IQCN: variants seen among roughly 807,000 people sequenced by gnomAD.
IQCN encodes the protein IQ motif containing N.
Under a neutral mutation model 64.4 loss-of-function variants are expected in IQCN, and 46 were observed. That is an observed-to-expected ratio of 0.71 (90% CI 0.56 to 0.91). IQCN has a LOEUF of 0.91. Among genes scored for constraint, IQCN ranks in the 40% least tolerant of loss-of-function variants. IQCN has a pLI of 0.00. For synonymous variants in IQCN, 733 were observed against 775.6 expected, an observed-to-expected ratio of 0.95 and a Z score of 0.91; for missense variants, 1,753 against 1,857.4, an observed-to-expected ratio of 0.94 and a Z score of 1.03.
intron 2 of IQCN, 40 bp from the exon 3 acceptor site, chr19:18,267,566 C>T (rs1969631320): frequency 6.7e-7 from 1 of 1,494,602 alleles, no homozygotes; most frequent in Non-Finnish European, 8.9e-7. Flanking sequence ...GTAGCAGGTC[C>T]TGCAAACAAG....
rs200977596 is a variant in IQCN, at chr19:18,269,503, G to T, written c.-25C>A. ...TAGATTTGGAGGAGTAGCAGGAGAAGAAGGTGCAATCTCAGAAGCCAGCCT... is the reference window on the plus strand; with the variant it reads ...TAGATTTGGAGGAGTAGCAGGAGAATAAGGTGCAATCTCAGAAGCCAGCCT... On this transcript the variant is annotated 5_prime_UTR_variant, in exon 2 of 4. Coordinates refer to ENST00000392413, the MANE Select transcript of IQCN (RefSeq NM_001145304.2). 1 of 1,613,800 alleles carries T rather than the reference G, an allele frequency of 6.2e-7. No homozygotes were observed. Among genetic ancestry groups the T allele is most frequent in the Admixed American group, 1.7e-5 (1 of 60,006 alleles).
intron 1 of IQCN, among the ~76,000 whole-genome samples, chr19:18,272,910 G>A (rs1158192299): frequency 2.7e-5 from 4 of 148,688 alleles, no homozygotes; most frequent in East Asian, 4.1e-4. Context: ...GCGCCTGGCC[G>A]AGCATTGTGC....
chr19:18,266,010 C>T lies in IQCN; in HGVS notation c.1530G>A (p.Ser510=), dbSNP rs201011110. ...ACAGAGTCTTGAGGATGGTGGCCAC[C>T]GAGCGTAACTGGGCTGGGGTCTTGG... is the stretch of plus-strand genomic sequence containing the variant. ...MITKTPAQLR[S]VATILKTLCL... is the part of the protein sequence containing the mutation. The change falls in exon 3 of 4, where the codon TCG becomes TCA. Residue 510 remains serine (S), a synonymous_variant. Coordinates refer to ENST00000392413, the MANE Select transcript of IQCN (RefSeq NM_001145304.2). This position sits in a 1 kb window ranked among gnomAD's most constrained non-coding sequence, Gnocchi z 4.3. 9.3e-6 allele frequency: 15 copies of T among 1,613,872 alleles called. No individual in the cohort carries two copies. Among genetic ancestry groups the T allele is most frequent in the South Asian group, 6.6e-5 (6 of 91,076 alleles).
In IQCN at chr19:18,265,247, G is replaced by A; in HGVS notation, c.2293C>T (p.Leu765Phe). 6.2e-7 allele frequency: 1 copy of A among 1,613,532 alleles called. No individual in the cohort carries two copies. The stretch of plus-strand genomic sequence containing the variant: ...ACCTGGGAGTGGGTGTTGCTGCTGA[G>A]ATCAGCAGCCTGGTGCGCTGGGATG... ...CLIPAHQAAD[L>F]SSNTHSQVLL... The change falls in exon 3 of 4, where the codon CTC becomes TTC. Residue 765 changes from leucine to phenylalanine, a missense_variant. Transcript: ENST00000392413. The surrounding 1 kb of genome is among the most constrained non-coding windows in gnomAD (Gnocchi z 4.7).
chr19:18,274,125 A>T lies in IQCN; in HGVS notation c.-110+278T>A, dbSNP rs376673278. On this transcript the variant is annotated intron_variant, in intron 1 of 3. Coordinates refer to ENST00000392413, the MANE Select transcript of IQCN (RefSeq NM_001145304.2). ...TTTAAAAAAATAATAATAAAGAGAC[A>T]TAACAGGCTCTCCATGATGTCCCCC... Among the ~76,000 whole-genome samples the T allele has an allele frequency of 1.5e-3, 225 of 152,266 alleles. 1 individual carries two copies. The highest frequency in any genetic ancestry group is 0.014 in the Middle Eastern group (4 of 294).
intron 1 of IQCN, among the ~76,000 whole-genome samples, chr19:18,273,894 TA>T (rs1969797166): frequency 6.6e-6 from 1 of 151,886 alleles, no homozygotes; most frequent in African/African-American, 2.4e-5. Flanking sequence ...ACTGGCTCGG[TA>T]ATTTTGAGTA....
In IQCN at chr19:18,257,757, C is replaced by A. The variant is rs780183473; in HGVS notation, c.3527G>T (p.Arg1176Leu). The A allele has an allele frequency of 1.2e-6, 2 of 1,610,944 alleles. No individual in the cohort carries two copies. The highest frequency in any genetic ancestry group is 2.2e-5 in the East Asian group (1 of 44,878). The change falls in exon 4 of 4, where the codon CGC becomes CTC. Residue 1176 changes from arginine to leucine, a missense_variant. Arg to Leu is a moderately radical substitution (Grantham distance 102). Transcript: ENST00000392413. The stretch of plus-strand genomic sequence containing the variant: ...CTGCCAGTGCCGGGCTTGGTCCCGG[C>A]GGGTGCTGTAGCCGCGCCAGGCAGA... Reference protein sequence around the residue: ...IQSAWRGYSTRRDQARHWQML... With the variant: ...IQSAWRGYSTLRDQARHWQML...
intron 3 of IQCN, chr19:18,260,454 T>C (rs1011329725): frequency 1.3e-5 from 2 of 152,638 alleles, no homozygotes; most frequent in African/African-American, 4.8e-5. Flanking sequence ...GCATGGCTCA[T>C]TGAGGCCATG....
In IQCN at chr19:18,267,486, G is replaced by A. The variant is rs565405948; in HGVS notation, c.54C>T (p.Gly18=). The A allele has an allele frequency of 3.9e-5, 60 of 1,529,526 alleles. 2 individuals carry two copies. In the South Asian group the frequency reaches 6.7e-4, roughly 17 times the overall value. The allele number at this position is 1,529,526 out of a possible 1,614,324, so 94.7% of individuals were successfully genotyped here. A position where few individuals can be genotyped will look rare whatever the true frequency, so the allele number is the denominator to read the frequency against. The part of the protein sequence containing the change: ...DLSGNQGNAA[G]RLATVHEPVV... ...CTGGCTCGTGAACTGTAGCTAGGCG[G>A]CCGGCTGCATTGCCTTGATTACCGG... The change falls in exon 3 of 4, where the codon GGC becomes GGT. Residue 18 remains glycine (G), a synonymous_variant. Transcript: ENST00000392413.
At chr19:18,259,060 C>T (rs1325338391) in intron 3 of IQCN, 6 of 155,766 alleles carry the variant, frequency 3.9e-5, no homozygotes, top group Admixed American at 3.7e-4. Context: ...ATTCTCCTAG[C>T]TTGGCTTGGT....
chr19:18,266,148 G>T lies in IQCN; in HGVS notation c.1392C>A (p.Ala464=). 6.2e-7 allele frequency: 1 copy of T among 1,614,162 alleles called. No homozygotes were observed. Among genetic ancestry groups the T allele is most frequent in the African/African-American group, 1.3e-5 (1 of 75,034 alleles). ...ACAGACATGTTTGCAATGGGTTTTT[G>T]GCTGGGGTGGTGACCGGGTGCATCT... ...PPQMHPVTTP[A]KNPLQTCLSA... The change falls in exon 3 of 4, where the codon GCC becomes GCA. Residue 464 remains alanine, a synonymous_variant. Coordinates refer to ENST00000392413, the MANE Select transcript of IQCN (RefSeq NM_001145304.2). This position sits in a 1 kb window ranked among gnomAD's most constrained non-coding sequence, Gnocchi z 4.3.
In IQCN at chr19:18,264,386, G is replaced by A. The variant is rs996423198; in HGVS notation, c.3154C>T (p.Pro1052Ser). The stretch of plus-strand genomic sequence containing the variant: ...ACCTTGCTGGTCTGTGGTCTCACGG[G>A]GCCCAGGGAGGGCCCCCATGCGGCC... ...PSAAWGPSLG[P>S]VRPQTSKGPA... The change falls in exon 3 of 4, where the codon CCC (proline) becomes TCC (serine). Residue 1052 changes from proline to serine, a missense_variant. By Grantham distance (74) the Pro-to-Ser change is moderately conservative (BLOSUM62 -1). Transcript: ENST00000392413. This position sits in a 1 kb window ranked among gnomAD's most constrained non-coding sequence, Gnocchi z 4.3. The A allele has an allele frequency of 2.0e-6, 3 of 1,507,294 alleles. No homozygotes were observed. The highest frequency in any genetic ancestry group is 2.7e-6 in the Non-Finnish European group (3 of 1,125,438). 93.4% of individuals were successfully genotyped at this position (1,507,294 alleles called of 1,614,324 possible). A position where few individuals can be genotyped will look rare whatever the true frequency, so the allele number is the denominator to read the frequency against.
Position 18,257,689 on chromosome 19 carries a change from C to T in IQCN, c.3595G>A (p.Gly1199Arg), listed in dbSNP as rs151062801. 71 of 1,604,162 alleles carry T rather than the reference C, an allele frequency of 4.4e-5. No homozygotes were observed. In the African/African-American group the frequency reaches 5.2e-4, roughly 12 times the overall value. ...VTWVELGSRAGVMSDRSWFQD... is the reference protein window; with the variant it reads ...VTWVELGSRARVMSDRSWFQD... ...AACCAGCTTCGGTCAGACATGACCC[C>T]GGCCCGGCTGCCCAGCTCCACCCAC... Residue 1199 changes from glycine to arginine, a missense_variant, in exon 4 of 4, where the codon GGG (glycine) becomes AGG (arginine). Gly to Arg is a moderately radical substitution (Grantham distance 125). Transcript: ENST00000392413.
At position 18,257,915 on chromosome 19, in the gene IQCN, G is replaced by T; in HGVS notation, c.3369C>A (p.Gly1123=). 1 of 1,612,782 alleles carries T rather than the reference G, an allele frequency of 6.2e-7. No individual in the cohort carries two copies. Among genetic ancestry groups the T allele is most frequent in the Non-Finnish European group, 8.5e-7 (1 of 1,179,926 alleles). The part of the protein sequence containing the change: ...RILAVITIQA[G]VRGYLARRRI... ...TGCGACGCGCCAGGTAGCCACGGACGCCCGCCTGGATAGTGATCACTGCGA... is the reference window on the plus strand; with the variant it reads ...TGCGACGCGCCAGGTAGCCACGGACTCCCGCCTGGATAGTGATCACTGCGA... Residue 1123 remains glycine, a synonymous_variant, in exon 4 of 4, where the codon GGC becomes GGA. Transcript: ENST00000392413.
chr19:18,270,160 G>T lies in IQCN; in HGVS notation c.-109-573C>A, dbSNP rs147716695. ...GGATCACCTGAGGTCAGGAGTTCGA[G>T]ACCAGCCTGGCCAACATGGTAAAAC... On this transcript the variant is annotated intron_variant, in intron 1 of 3. Coordinates refer to ENST00000392413, the MANE Select transcript of IQCN (RefSeq NM_001145304.2). 4.0e-3 allele frequency among the ~76,000 whole-genome samples: 613 copies of T among 151,434 alleles called. 4 individuals are homozygous for T. The highest frequency in any genetic ancestry group is 0.014 in the African/African-American group (581 of 41,184).
chr19:18,257,331 T>TG lies in IQCN; in HGVS notation c.3952dup (p.Gln1318ProfsTer71), dbSNP rs1264211988. 1 of 1,613,174 alleles carries TG rather than the reference T, an allele frequency of 6.2e-7. No homozygotes were observed. The highest frequency in any genetic ancestry group is 1.3e-5 in the African/African-American group (1 of 74,954). On this transcript the variant is annotated frameshift_variant, in exon 4 of 4. Coordinates refer to ENST00000392413, the MANE Select transcript of IQCN (RefSeq NM_001145304.2). LOFTEE classifies it low-confidence loss of function (END_TRUNC). ...TGCCATTTGCTGCTGCCTCATCTGCTGGCGGATCTTAAAGCCCCTCCAGGC... is the reference window on the plus strand; with the variant it reads ...TGCCATTTGCTGCTGCCTCATCTGCTGGGCGGATCTTAAAGCCCCTCCAGGC...
chr19:18,269,417 T>C, intron 2 of IQCN, 49 bp downstream of exon 2: 1 of 1,600,208 alleles, frequency 6.2e-7, no homozygotes, highest in South Asian at 1.1e-5. Flanking sequence ...GAAGCCCCTC[T>C]CTTCAGGTTG....
At position 18,257,818 on chromosome 19, in the gene IQCN, G is replaced by A. The variant is rs1430201957; in HGVS notation, c.3466C>T (p.Leu1156=). The A allele has an allele frequency of 2.5e-6, 4 of 1,611,244 alleles. No homozygotes were observed. In the East Asian group the frequency reaches 6.7e-5, roughly 27 times the overall value. ...TWRGYRVRRN[L]AHLCRATTTI... ...GTGGTGGCTCTGCAGAGGTGTGCCA[G>A]GTTCCGCCGCACACGGTAGCCGCGC... The change falls in exon 4 of 4, where the codon CTG becomes TTG. Residue 1156 remains leucine, a synonymous_variant. Transcript: ENST00000392413.
At position 18,264,998 on chromosome 19, in the gene IQCN, A is replaced by G. The variant is rs1444597864; in HGVS notation, c.2542T>C (p.Ser848Pro). ...CGTGTGGCTCCGTTGTCTCCCCAGG[A>G]CTCAACGTTGCATGTGGAATGGCCG... The part of the protein sequence containing the change: ...PTGHSTCNVE[S>P]WGDNGATRAQ... The change falls in exon 3 of 4, where the codon TCC becomes CCC. Residue 848 changes from serine to proline, a missense_variant. Ser to Pro is a moderately conservative substitution (Grantham distance 74). Coordinates refer to ENST00000392413, the MANE Select transcript of IQCN (RefSeq NM_001145304.2). This position sits in a 1 kb window ranked among gnomAD's most constrained non-coding sequence, Gnocchi z 4.3. 1 of 1,605,530 alleles carries G rather than the reference A, an allele frequency of 6.2e-7. No homozygotes were observed. The highest frequency in any genetic ancestry group is 8.5e-7 in the Non-Finnish European group (1 of 1,179,804).
Sources: allele counts gnomAD v4.1 joint callset (sites outside exome capture counted in the v4.1 genomes callset), GRCh38; gene constraint gnomAD v4.1.1; non-coding constraint Gnocchi (gnomAD v3.1); transcripts MANE v1.5; gene names NCBI Gene and HGNC (gene_info 2026-07-23, HGNC 2026-07-21).